AGBL1: variants seen among roughly 807,000 people sequenced by gnomAD.
The protein encoded by AGBL1 is AGBL carboxypeptidase 1, also known as cytosolic carboxypeptidase 4.
A neutral mutation model predicts 118.9 loss-of-function variants in AGBL1; 130 were observed. The observed-to-expected ratio is 1.09, with a 90% CI of 0.95 to 1.26. AGBL1 has a LOEUF of 1.26. Among genes scored for constraint, AGBL1 ranks in the 50% most tolerant of loss-of-function variants. The pLI, the probability that AGBL1 is intolerant of heterozygous loss-of-function variation, is 0.00. For missense variants in AGBL1, 1,584 were observed against 1,298.1 expected, an observed-to-expected ratio of 1.22 and a Z score of -3.38; for synonymous variants, 555 against 478.9, an observed-to-expected ratio of 1.16 and a Z score of -2.08.
intron 22 of AGBL1, among the ~76,000 whole-genome samples, chr15:86,798,032 G>T (rs1028963623): frequency 2.0e-5 from 3 of 152,180 alleles, no homozygotes; most frequent in Non-Finnish European, 4.4e-5. Context: ...TGTAAGCAAT[G>T]CAGCCAGGAG....
chr15:86,666,822 C>T (rs970870249), intron 21 of AGBL1, among the ~76,000 whole-genome samples: 5 of 151,944 alleles, frequency 3.3e-5, no homozygotes, highest in East Asian at 3.9e-4. Context: ...ATGAGAAAAC[C>T]GAGGCACTAA....
At chr15:86,132,090 T>C (rs1242049911) in intron 1 of AGBL1, among the ~76,000 whole-genome samples, 1 of 152,164 alleles carries the variant, frequency 6.6e-6, no homozygotes, top group Admixed American at 6.5e-5. Flanking sequence ...TACCCACTAC[T>C]TTAAAGAGTA....
At chr15:86,534,499 A>G (rs1000727409) in intron 19 of AGBL1, among the ~76,000 whole-genome samples, 1 of 152,178 alleles carries the variant, frequency 6.6e-6, no homozygotes, top group African/African-American at 2.4e-5. Flanking sequence ...GGCAAAGGAA[A>G]AGAAGCTTCT....
At chr15:86,457,437 T>C (rs2082275424) in intron 18 of AGBL1, among the ~76,000 whole-genome samples, 1 of 152,188 alleles carries the variant, frequency 6.6e-6, no homozygotes, top group Non-Finnish European at 1.5e-5. Context: ...CCTGAAATAT[T>C]CTCTGCTTTC....
intron 22 of AGBL1, among the ~76,000 whole-genome samples, chr15:86,880,895 T>C (rs1481455351): frequency 3.3e-5 from 5 of 152,132 alleles, no homozygotes; most frequent in Admixed American, 3.3e-4. Flanking sequence ...CCGTGGTTCT[T>C]ACTGTAGATT....
intron 17 of AGBL1, among the ~76,000 whole-genome samples, chr15:86,351,959 A>C (rs1353824526): frequency 2.0e-5 from 3 of 152,198 alleles, no homozygotes; most frequent in Non-Finnish European, 4.4e-5. Flanking sequence ...TGTAGCAGGC[A>C]CATGATTTAT....
chr15:86,923,011 A>G (rs1056372420), intron 23 of AGBL1, among the ~76,000 whole-genome samples: 2 of 152,188 alleles, frequency 1.3e-5, no homozygotes, highest in African/African-American at 4.8e-5. Flanking sequence ...AAAATTGCAC[A>G]ATGATCCCAC....
At chr15:86,851,114 AAG>A (rs1341236366) in intron 22 of AGBL1, among the ~76,000 whole-genome samples, 5 of 152,204 alleles carry the variant, frequency 3.3e-5, no homozygotes, top group Non-Finnish European at 5.9e-5. Context: ...CAGCAATGGA[AAG>A]ATCACTTGCT....
intron 21 of AGBL1, among the ~76,000 whole-genome samples, chr15:86,669,837 T>C (rs868541968): frequency 2.0e-5 from 3 of 152,318 alleles, no homozygotes; most frequent in Non-Finnish European, 2.9e-5. Flanking sequence ...TCTGAAAGTG[T>C]GTGTGGAGGG....
intron 23 of AGBL1, among the ~76,000 whole-genome samples, chr15:86,972,321 A>C (rs2081116588): frequency 6.6e-6 from 1 of 151,992 alleles, no homozygotes; most frequent in Non-Finnish European, 1.5e-5. Context: ...AGGCCTTGCT[A>C]TTTGCCCAAC....
intron 23 of AGBL1, among the ~76,000 whole-genome samples, chr15:86,982,566 C>G (rs1203370574): frequency 6.6e-6 from 1 of 152,156 alleles, no homozygotes; most frequent in Non-Finnish European, 1.5e-5. Context: ...CCTCGCCTGC[C>G]TCTGTCATCC....
chr15:86,676,588 G>C (rs1320624711), intron 22 of AGBL1, among the ~76,000 whole-genome samples: 1 of 152,094 alleles, frequency 6.6e-6, no homozygotes, highest in East Asian at 1.9e-4. Flanking sequence ...TTAGTATCAG[G>C]ATTCTTATTG....
At chr15:86,430,098 C>T (rs535067276) in intron 18 of AGBL1, among the ~76,000 whole-genome samples, 1 of 152,266 alleles carries the variant, frequency 6.6e-6, no homozygotes, top group African/African-American at 2.4e-5. Flanking sequence ...GGAGAGTATA[C>T]TTAGATAAGG....
chr15:86,519,509 A>G (rs1314480324), intron 18 of AGBL1, among the ~76,000 whole-genome samples: 1 of 152,228 alleles, frequency 6.6e-6, no homozygotes, highest in Non-Finnish European at 1.5e-5. Flanking sequence ...CTCTGATATT[A>G]TTAACACAAA....
intron 21 of AGBL1, among the ~76,000 whole-genome samples, chr15:86,622,190 C>T (rs972444155): frequency 2.6e-5 from 4 of 151,960 alleles, no homozygotes; most frequent in African/African-American, 7.3e-5. Context: ...ATTAGCTAAG[C>T]GTGGTGCTGG....
rs557022452 is a variant in AGBL1 at position 86,147,122 on chromosome 15, A to G, written c.262+3277A>G. Among the ~76,000 whole-genome samples, 80 of 152,302 alleles carry G rather than the reference A, an allele frequency of 5.3e-4. 3 individuals carry two copies. The South Asian group carries it at 0.016, about 31-fold the overall frequency. ...TTATTTGGAACAGTAATGTAGAAAT[A>G]TTAGAGGGGAAATAGGGGGCATTCC... On this transcript the variant is annotated intron_variant, in intron 3 of 22. Coordinates refer to ENST00000614907, the MANE Select transcript of AGBL1 (RefSeq NM_001386094.1).
intron 23 of AGBL1, among the ~76,000 whole-genome samples, chr15:86,977,367 T>G (rs1174965004): frequency 6.6e-6 from 1 of 151,576 alleles, no homozygotes; most frequent in African/African-American, 2.4e-5. Flanking sequence ...GTAAGTTCCT[T>G]ATTGTTCCTT....
chr15:86,807,750 G>T (rs969370623), intron 22 of AGBL1, among the ~76,000 whole-genome samples: 1 of 152,046 alleles, frequency 6.6e-6, no homozygotes, highest in African/African-American at 2.4e-5. Flanking sequence ...ATATGACTTG[G>T]CCTCTCTGAA....
intron 18 of AGBL1, among the ~76,000 whole-genome samples, chr15:86,427,572 G>T (rs2081882539): frequency 6.7e-6 from 1 of 148,972 alleles, no homozygotes. Context: ...AAAAAAAAAG[G>T]ACACCTATTG....
Sources: allele counts gnomAD v4.1 joint callset (sites outside exome capture counted in the v4.1 genomes callset), GRCh38; gene constraint gnomAD v4.1.1; transcripts MANE v1.5; gene names NCBI Gene and HGNC (gene_info 2026-07-23, HGNC 2026-07-21).